The following SHANK2 variants were observed in gnomAD, a reference collection of about 807,000 sequenced individuals.
The protein encoded by SHANK2 is SH3 and multiple ankyrin repeat domains 2.
SHANK2 carries 43 observed loss-of-function variants against 133.7 expected under a neutral mutation model. The observed-to-expected ratio is 0.32, with a 90% confidence interval of 0.25 to 0.41. SHANK2 has a LOEUF of 0.41. Ranked by LOEUF, SHANK2 falls within the 10% of genes least tolerant of loss-of-function variation. The probability of loss-of-function intolerance (pLI) is 1.00; values close to 1 mark genes in which losing one functional copy is unlikely to be tolerated. For missense variants in SHANK2, 1,994 were observed against 2,235.8 expected, an observed-to-expected ratio of 0.89 and a Z score of 2.18; for synonymous variants, 1,017 against 952.8, an observed-to-expected ratio of 1.07 and a Z score of -1.24.
At chr11:71,208,547 G>A (rs1954180351) in intron 2 of SHANK2, among the ~76,000 whole-genome samples, 1 of 151,998 alleles carries the variant, frequency 6.6e-6, no homozygotes, top group Non-Finnish European at 1.5e-5. Context: ...CTAGGCAGGT[G>A]CTGTGGACAT....
At chr11:70,581,120 C>T (rs1371957220) in intron 17 of SHANK2, among the ~76,000 whole-genome samples, 3 of 152,216 alleles carry the variant, frequency 2.0e-5, no homozygotes, top group Non-Finnish European at 4.4e-5. Flanking sequence ...AGGGCACTCC[C>T]TTCTCCAGAA....
At chr11:70,847,924 C>T (rs735857) in intron 11 of SHANK2, among the ~76,000 whole-genome samples, 7 of 152,344 alleles carry the variant, frequency 4.6e-5, no homozygotes, top group African/African-American at 7.2e-5. Context: ...CCAGGCTTCA[C>T]GGCTACAGGA....
At chr11:70,832,757 G>A (rs1180221796) in intron 11 of SHANK2, among the ~76,000 whole-genome samples, 1 of 151,844 alleles carries the variant, frequency 6.6e-6, no homozygotes, top group Non-Finnish European at 1.5e-5. Context: ...TGTACCCAGT[G>A]GAGGCCCAGG....
At chr11:70,927,657 A>T (rs146181668) in intron 10 of SHANK2, among the ~76,000 whole-genome samples, 2,763 of 152,256 alleles carry the variant, frequency 0.018, 37 homozygotes, top group Non-Finnish European at 0.03. Flanking sequence ...GGCCAGTGAC[A>T]GTTCATTTTA....
In SHANK2 at chr11:70,698,559, C is replaced by G. The variant is rs1462837363; in HGVS notation, c.1853+129G>C. On this transcript the variant is annotated intron_variant, in intron 15 of 25. Transcript: ENST00000601538. ...GAGATGGTGGCTTCCATAGTCCTAGCCCGGTAACAGGCACAGGGAGGCAGA... is the reference window on the plus strand; with the variant it reads ...GAGATGGTGGCTTCCATAGTCCTAGGCCGGTAACAGGCACAGGGAGGCAGA... 8.7e-6 allele frequency: 6 copies of G among 692,618 alleles called. No individual in the cohort carries two copies. In the African/African-American group the frequency reaches 1.1e-4, roughly 12 times the overall value. The allele number at this position is 692,618 out of a possible 1,614,324, so 42.9% of individuals were successfully genotyped here.
intron 14 of SHANK2, among the ~76,000 whole-genome samples, chr11:70,762,205 G>A (rs1947011183): frequency 2.0e-5 from 3 of 151,860 alleles, no homozygotes; most frequent in African/African-American, 4.8e-5. Flanking sequence ...CTAAGCCAAC[G>A]CGGTAGTTCT....
chr11:70,522,640 C>T (rs1280120148), intron 17 of SHANK2, among the ~76,000 whole-genome samples: 4 of 152,234 alleles, frequency 2.6e-5, no homozygotes, highest in Non-Finnish European at 4.4e-5. Context: ...GCCCCTTACC[C>T]GGCTCCAGCT....
intron 15 of SHANK2, 43 bp downstream of exon 15, chr11:70,698,645 G>A (rs782065833): frequency 1.4e-6 from 1 of 718,464 alleles, no homozygotes; most frequent in South Asian, 1.5e-5. Flanking sequence ...CAGACGAACA[G>A]CTTTGACCAG....
chr11:70,797,407 T>G (rs1414651220), intron 14 of SHANK2, among the ~76,000 whole-genome samples: 1 of 152,180 alleles, frequency 6.6e-6, no homozygotes, highest in African/African-American at 2.4e-5. Flanking sequence ...CAGGGACTCA[T>G]CAGCAGGGAA....
chr11:70,740,503 C>T (rs371519028), intron 14 of SHANK2, among the ~76,000 whole-genome samples: 7 of 152,134 alleles, frequency 4.6e-5, no homozygotes, highest in Admixed American at 6.5e-5. Context: ...CTCAAATCCT[C>T]GGTTGTAAAC....
At chr11:71,123,053 G>A (rs1316784344) in intron 3 of SHANK2, among the ~76,000 whole-genome samples, 1 of 152,134 alleles carries the variant, frequency 6.6e-6, no homozygotes, top group South Asian at 2.1e-4. Flanking sequence ...CTCCCAGGGA[G>A]CTCCCCTCCC....
chr11:70,758,185 A>G (rs1036375857), intron 14 of SHANK2, among the ~76,000 whole-genome samples: 6 of 152,252 alleles, frequency 3.9e-5, no homozygotes, highest in Non-Finnish European at 8.8e-5. Flanking sequence ...AGGGACAATG[A>G]TCGGGATGTA....
At chr11:70,751,329 T>G (rs1555037396) in intron 14 of SHANK2, among the ~76,000 whole-genome samples, 1 of 152,262 alleles carries the variant, frequency 6.6e-6, no homozygotes, top group African/African-American at 2.4e-5. Context: ...CAGGAATTAC[T>G]GCAGATTCCT....
intron 2 of SHANK2, among the ~76,000 whole-genome samples, chr11:71,191,345 A>G (rs1398909497): frequency 3.3e-5 from 5 of 151,988 alleles, no homozygotes; most frequent in African/African-American, 1.2e-4. Flanking sequence ...AGCCCGGCAG[A>G]CAGGGCAGCT....
intron 17 of SHANK2, among the ~76,000 whole-genome samples, chr11:70,534,217 A>G (rs1489085712): frequency 6.6e-6 from 1 of 152,196 alleles, no homozygotes; most frequent in African/African-American, 2.4e-5. Flanking sequence ...GGAAACTTAC[A>G]ATCATGGCAG....
intron 9 of SHANK2, among the ~76,000 whole-genome samples, chr11:71,073,817 C>G (rs1202299897): frequency 6.6e-6 from 1 of 152,128 alleles, no homozygotes; most frequent in Non-Finnish European, 1.5e-5. Flanking sequence ...GTGGGGGTAC[C>G]AGAACTATCC....
intron 11 of SHANK2, among the ~76,000 whole-genome samples, chr11:70,829,590 T>TGCTTCTCA (rs1390902670): frequency 5.9e-5 from 9 of 151,834 alleles, no homozygotes; most frequent in African/African-American, 1.2e-4. Context: ...GACCCAGGCC[T>TGCTTCTCA]GCTTCTCAGC....
intron 2 of SHANK2, among the ~76,000 whole-genome samples, chr11:71,214,585 G>A (rs376127931): frequency 8.5e-5 from 13 of 152,328 alleles, no homozygotes; most frequent in East Asian, 5.8e-4. Flanking sequence ...ACTAAAATGT[G>A]AAGATGGGTC....
chr11:70,515,778 C>T (rs982100560), intron 17 of SHANK2, among the ~76,000 whole-genome samples: 47 of 152,178 alleles, frequency 3.1e-4, no homozygotes, highest in Non-Finnish European at 3.1e-4. Flanking sequence ...CACCACTGCA[C>T]TCCAGCCTGG....
Sources: gnomAD v4.1 joint callset for allele counts (sites outside exome capture counted in the v4.1 genomes callset) on GRCh38, gnomAD v4.1.1 for gene constraint, MANE v1.5 for transcripts, NCBI Gene and HGNC (gene_info 2026-07-23, HGNC 2026-07-21) for gene names.